Variants in ADAM11 observed in about 807,000 individuals in gnomAD.
ADAM11 encodes disintegrin and metalloproteinase domain-containing protein 11.
Under a neutral mutation model 119.1 loss-of-function variants are expected in ADAM11, and 49 were observed. The ratio of observed to expected loss-of-function variants is 0.41; its 90% confidence interval spans 0.33 to 0.52. The LOEUF (loss-of-function observed/expected upper bound fraction) is 0.52. Among genes scored for constraint, ADAM11 ranks in the 20% least tolerant of loss-of-function variants. The pLI is 0.20. For missense variants in ADAM11, 777 were observed against 1,047.5 expected, an observed-to-expected ratio of 0.74 and a Z score of 3.56; for synonymous variants, 364 against 408.0, an observed-to-expected ratio of 0.89 and a Z score of 1.30.
chr17:44,764,660 C>T, intron 2 of ADAM11, among the ~76,000 whole-genome samples: 1 of 152,190 alleles, frequency 6.6e-6, no homozygotes, highest in East Asian at 1.9e-4. Context: ...GCAGGTCCTG[C>T]TCCCCTGCTT....
In ADAM11 at chr17:44,774,289, T is replaced by C; in HGVS notation, c.993-6T>C. On this transcript the variant is annotated splice_polypyrimidine_tract_variant and splice_region_variant and intron_variant, in intron 11 of 26. Transcript: ENST00000200557. Reference sequence around the variant, plus strand: ...GAGGCCATCCTGACAGCGCACTCCCTTCCAGGGGCAGGACCTTCCAGAGCA... The same window carrying C: ...GAGGCCATCCTGACAGCGCACTCCCCTCCAGGGGCAGGACCTTCCAGAGCA... 6.8e-7 allele frequency: 1 copy of C among 1,460,114 alleles called. No homozygotes were observed. The highest frequency in any genetic ancestry group is 9.1e-7 in the Non-Finnish European group (1 of 1,104,488). 90.4% of individuals were successfully genotyped at this position (1,460,114 alleles called of 1,614,324 possible).
At position 44,770,257 on chromosome 17, in the gene ADAM11, G is replaced by A. The variant is rs1598887350; in HGVS notation, c.381+209G>A. On this transcript the variant is annotated intron_variant, in intron 4 of 26. Coordinates refer to ENST00000200557, the MANE Select transcript of ADAM11 (RefSeq NM_002390.6). ...ATAGGGCCCTGAAGTCCCCTCACTT[G>A]GCCCCAGAGCTCTGACCCCCAGCCA... Among the ~76,000 whole-genome samples the A allele has an allele frequency of 2.0e-5, 3 of 152,310 alleles. No homozygotes were observed. The Middle Eastern group carries it at 0.01, about 518-fold the overall frequency.
rs1288495967 is a variant in ADAM11 at position 44,775,033 on chromosome 17, A to G, written c.1221-179A>G. 6.6e-6 allele frequency among the ~76,000 whole-genome samples: 1 copy of G among 152,242 alleles called. No individual in the cohort carries two copies. Among genetic ancestry groups the G allele is most frequent in the Non-Finnish European group, 1.5e-5 (1 of 68,040 alleles). The stretch of plus-strand genomic sequence containing the variant: ...AGCGCGGCTGCGAGTCCCCAGGTTC[A>G]GCGGAGGGGATGGGAGCGACAGGGA... On this transcript the variant is annotated intron_variant, in intron 14 of 26. Transcript: ENST00000200557. This position sits in a 1 kb window ranked among gnomAD's most constrained non-coding sequence, Gnocchi z 7.5.
intron 2 of ADAM11, among the ~76,000 whole-genome samples, chr17:44,763,968 T>C (rs2049418438): frequency 6.6e-6 from 1 of 152,168 alleles, no homozygotes; most frequent in Admixed American, 6.5e-5. Flanking sequence ...CCACCCGCCT[T>C]GGCCTCCCAA....
rs1489372879 is a variant in ADAM11, at chr17:44,777,054, T to C, written c.1681+92T>C. 1.3e-6 allele frequency: 2 copies of C among 1,547,308 alleles called. No individual in the cohort carries two copies. The highest frequency in any genetic ancestry group is 4.5e-5 in the East Asian group (2 of 44,082). ...GGTTCCAGCTGAACAGGCCCCCAAGTGTGTAGCTCCCCAGGATCTCAGGGA... is the reference window on the plus strand; with the variant it reads ...GGTTCCAGCTGAACAGGCCCCCAAGCGTGTAGCTCCCCAGGATCTCAGGGA... On this transcript the variant is annotated intron_variant, in intron 20 of 26. Transcript: ENST00000200557. This position sits in a 1 kb window ranked among gnomAD's most constrained non-coding sequence, Gnocchi z 5.1.
intron 4 of ADAM11, among the ~76,000 whole-genome samples, chr17:44,771,003 A>G (rs1307374023): frequency 6.6e-6 from 1 of 152,112 alleles, no homozygotes; most frequent in East Asian, 1.9e-4. Flanking sequence ...AATCCCAGCT[A>G]CTTGGGAGGC....
chr17:44,769,864 G>A (rs773618805), intron 3 of ADAM11, 70 bp downstream of exon 3: 2 of 1,601,670 alleles, frequency 1.2e-6, no homozygotes, highest in South Asian at 2.2e-5. Context: ...GGGCCTGGCT[G>A]CTGGGGGTCT....
chr17:44,768,182 C>A (rs563302287), intron 2 of ADAM11, among the ~76,000 whole-genome samples: 1 of 152,148 alleles, frequency 6.6e-6, no homozygotes, highest in Non-Finnish European at 1.5e-5. Context: ...CAAGCAGGAA[C>A]AGTCCCAGGG....
In ADAM11 at chr17:44,775,775, G is replaced by C. The variant is rs915670095; in HGVS notation, c.1485+99G>C. On this transcript the variant is annotated intron_variant, in intron 17 of 26. Transcript: ENST00000200557. The surrounding 1 kb of genome is among the most constrained non-coding windows in gnomAD (Gnocchi z 7.5). ...AGCTAGGGAGGGAAGCGGAGCCTTC[G>C]GGGACGAAGGCCTCTGGGGCAGGGC... 4.8e-6 allele frequency: 6 copies of C among 1,254,498 alleles called. No homozygotes were observed. The highest frequency in any genetic ancestry group is 4.5e-5 in the African/African-American group (3 of 66,802). The allele number at this position is 1,254,498 out of a possible 1,614,324, so 77.7% of individuals were successfully genotyped here. A position where few individuals can be genotyped will look rare whatever the true frequency, so the allele number is the denominator to read the frequency against.
rs755837338 is a variant in ADAM11, at chr17:44,777,786, C to T, written c.1993C>T (p.Arg665Cys). ...CGPNMLCLDH[R>C]CLPASAFNFS... ...GCCTAACATGTTGTGCCTGGACCAT[C>T]GCTGCCTGCCAGCTTCTGCCTTCAA... is the stretch of plus-strand genomic sequence containing the variant. The change falls in exon 23 of 27, where the codon CGC becomes TGC. Residue 665 changes from arginine to cysteine, a missense_variant. By Grantham distance (180) the Arg-to-Cys change is radical. This residue lies in a region of ADAM11 where 348 missense variants were observed against 486.7 expected (regional missense o/e 0.72). Coordinates refer to ENST00000200557, the MANE Select transcript of ADAM11 (RefSeq NM_002390.6). The surrounding 1 kb of genome is among the most constrained non-coding windows in gnomAD (Gnocchi z 5.1). 28 of 1,613,878 alleles carry T rather than the reference C, an allele frequency of 1.7e-5. No individual in the cohort carries two copies. Among genetic ancestry groups the T allele is most frequent in the Non-Finnish European group, 2.2e-5 (26 of 1,180,010 alleles).
At chr17:44,778,117 T>C (rs750100766) in intron 24 of ADAM11, 35 bp from the exon 25 acceptor site, 4 of 1,612,270 alleles carry the variant, frequency 2.5e-6, no homozygotes, top group Admixed American at 3.3e-5. Context: ...TCTCTATGCC[T>C]GTCCTTGCCA....
chr17:44,759,267 G>C lies in ADAM11; in HGVS notation c.61+7G>C. On this transcript the variant is annotated splice_region_variant and intron_variant, in intron 1 of 26. Coordinates refer to ENST00000200557, the MANE Select transcript of ADAM11 (RefSeq NM_002390.6). ...TCGCTGCTCCCCACGCCCGGTGAGT[G>C]ACCCCCGCCCGGCCCCGGCGCCCCC... 1 of 1,408,952 alleles carries C rather than the reference G, an allele frequency of 7.1e-7. No individual in the cohort carries two copies. Among genetic ancestry groups the C allele is most frequent in the Non-Finnish European group, 9.2e-7 (1 of 1,083,838 alleles). The allele number at this position is 1,408,952 out of a possible 1,614,324, so 87.3% of individuals were successfully genotyped here.
At position 44,774,277 on chromosome 17, in the gene ADAM11, C is replaced by G; in HGVS notation, c.993-18C>G. 6.9e-7 allele frequency: 1 copy of G among 1,447,128 alleles called. No individual in the cohort carries two copies. The highest frequency in any genetic ancestry group is 9.1e-7 in the Non-Finnish European group (1 of 1,097,224). 89.6% of individuals were successfully genotyped at this position (1,447,128 alleles called of 1,614,324 possible). On this transcript the variant is annotated intron_variant, in intron 11 of 26. Coordinates refer to ENST00000200557, the MANE Select transcript of ADAM11 (RefSeq NM_002390.6). Reference sequence around the variant, plus strand: ...AGGGGAGGGCAGGAGGCCATCCTGACAGCGCACTCCCTTCCAGGGGCAGGA... The same window carrying G: ...AGGGGAGGGCAGGAGGCCATCCTGAGAGCGCACTCCCTTCCAGGGGCAGGA...
intron 2 of ADAM11, among the ~76,000 whole-genome samples, chr17:44,766,441 CAG>C (rs879909865): frequency 1.2e-4 from 19 of 152,190 alleles, no homozygotes; most frequent in Non-Finnish European, 2.1e-4. Flanking sequence ...GCATCTGGTA[CAG>C]AGAGGACAAG....
chr17:44,770,751 G>C (rs1052260938), intron 4 of ADAM11, among the ~76,000 whole-genome samples: 6 of 152,170 alleles, frequency 3.9e-5, no homozygotes, highest in Non-Finnish European at 7.3e-5. Context: ...AGCAGTGCTG[G>C]GTACATGGTA....
At chr17:44,779,686 T>C in intron 26 of ADAM11, 53 bp from the exon 27 acceptor site, 6 of 1,562,122 alleles carry the variant, frequency 3.8e-6, no homozygotes, top group Non-Finnish European at 5.2e-6. Context: ...GCTGGGGGGC[T>C]CTCCCCGTGG....
At chr17:44,762,051 C>T (rs185421371) in intron 2 of ADAM11, among the ~76,000 whole-genome samples, 224 of 152,098 alleles carry the variant, frequency 1.5e-3, no homozygotes, top group African/African-American at 5.0e-3. Context: ...CTCGAACTTC[C>T]GACCTCAGGT....
In ADAM11 at chr17:44,759,047, C is replaced by T. The variant is rs1040277385; in HGVS notation, c.-153C>T. ...GCCGGAGCGCGCTGAGCCCCGGCGC[C>T]GTCCCTGCCGCCCCCACCTCTCCGC... On this transcript the variant is annotated 5_prime_UTR_variant, in exon 1 of 27. Transcript: ENST00000200557. 4.7e-6 allele frequency: 1 copy of T among 213,318 alleles called. No individual in the cohort carries two copies. The highest frequency in any genetic ancestry group is 8.6e-6 in the Non-Finnish European group (1 of 116,332). The allele number at this position is 213,318 out of a possible 1,614,324, so 13.2% of individuals were successfully genotyped here.
intron 2 of ADAM11, among the ~76,000 whole-genome samples, chr17:44,765,897 A>G (rs1320811986): frequency 6.6e-6 from 1 of 152,180 alleles, no homozygotes; most frequent in Non-Finnish European, 1.5e-5. Context: ...TTACAGGCGT[A>G]AGCCACTGCT....
Sources: allele counts gnomAD v4.1 joint callset (sites outside exome capture counted in the v4.1 genomes callset), GRCh38; gene constraint gnomAD v4.1.1; regional missense constraint gnomAD v4.1.1; non-coding constraint Gnocchi (gnomAD v3.1); transcripts MANE v1.5; gene names NCBI Gene and HGNC (gene_info 2026-07-23, HGNC 2026-07-21).